Variants in LRRC19 observed in about 807,000 individuals in gnomAD.
LRRC19 encodes the protein leucine rich repeat containing 19.
In LRRC19, 33 loss-of-function variants were observed where a neutral mutation model predicts 33.3. The observed-to-expected ratio is 0.99, with a 90% CI of 0.75 to 1.33. LRRC19 has a LOEUF of 1.33. LRRC19 is among the 40% of genes most tolerant of loss of function. The pLI is 0.00. For missense variants in LRRC19, 463 were observed against 417.3 expected (o/e 1.11, Z -0.95); for synonymous variants, 184 against 152.3 (o/e 1.21, Z -1.53).
chr9:26,996,368 GA>G lies in LRRC19; in HGVS notation c.726del (p.Gln243SerfsTer15). ...TTAAATATTGAATTGCTGATGGGCT[GA>G]AAATGAATATAAAGATCTTCAGTTA... ...SSVTEDLYIH[F>X]QPISNSIFNS... is the part of the protein sequence containing the mutation. On this transcript the variant is annotated frameshift_variant, in exon 4 of 5. Coordinates refer to ENST00000380055, the MANE Select transcript of LRRC19 (RefSeq NM_022901.3). LOFTEE classifies it high-confidence loss of function. 1 of 1,608,270 alleles carries G rather than the reference GA, an allele frequency of 6.2e-7. No individual in the cohort carries two copies. The highest frequency in any genetic ancestry group is 8.5e-7 in the Non-Finnish European group (1 of 1,176,512).
At chr9:27,004,651 G>A (rs574075029) in intron 1 of LRRC19, among the ~76,000 whole-genome samples, 1 of 152,296 alleles carries the variant, frequency 6.6e-6, no homozygotes, top group South Asian at 2.1e-4. Flanking sequence ...GGTTTAAAAG[G>A]AAGTCAGTCA....
chr9:26,999,766 TATTC>T, intron 1 of LRRC19, 63 bp from the exon 2 acceptor site: 4 of 1,090,130 alleles, frequency 3.7e-6, no homozygotes, highest in Non-Finnish European at 3.8e-6. Flanking sequence ...TGAATCTGTT[TATTC>T]TTTTTTTTTT....
intron 1 of LRRC19, among the ~76,000 whole-genome samples, chr9:27,000,090 A>G (rs1038380539): frequency 1.3e-5 from 2 of 152,142 alleles, no homozygotes; most frequent in Non-Finnish European, 1.5e-5. Context: ...TTTCAAATCT[A>G]CTTTTTCTTG....
chr9:26,995,729 C>T lies in LRRC19; in HGVS notation c.905G>A (p.Ser302Asn). 1 of 1,613,844 alleles carries T rather than the reference C, an allele frequency of 6.2e-7. No homozygotes were observed. The highest frequency in any genetic ancestry group is 8.5e-7 in the Non-Finnish European group (1 of 1,179,890). Residue 302 changes from serine (S) to asparagine (N), a missense_variant, in exon 5 of 5, where the codon AGT becomes AAT. Ser to Asn is a conservative substitution (Grantham distance 46, BLOSUM62 1). Coordinates refer to ENST00000380055, the MANE Select transcript of LRRC19 (RefSeq NM_022901.3). Reference sequence around the variant, plus strand: ...CTCTTCCAGGCGATGATGATTATAACTAAGCAGAATATTGTACCATATTGG... The same window carrying T: ...CTCTTCCAGGCGATGATGATTATAATTAAGCAGAATATTGTACCATATTGG... ...KCPIWYNILL[S>N]YNHHRLEEHE...
At chr9:27,005,357 C>G (rs1224478831) in intron 1 of LRRC19, among the ~76,000 whole-genome samples, 1,228 of 47,762 alleles carry the variant, frequency 0.026, 271 homozygotes, top group African/African-American at 0.087. Flanking sequence ...CCATTTCCCC[C>G]CCCGCCCCCC....
chr9:26,995,582 T>A lies in LRRC19; in HGVS notation c.1052A>T (p.Asp351Val), dbSNP rs41271181. Reference sequence around the variant, plus strand: ...TTTGTCTTCAATAAATCCATCATCATCTACCACAAATGAATGTAATTGTTC... The same window carrying A: ...TTTGTCTTCAATAAATCCATCATCAACTACCACAAATGAATGTAATTGTTC... ...IFEQLHSFVV[D>V]DDGFIEDKYI... Residue 351 changes from aspartate to valine, a missense_variant, in exon 5 of 5, where the codon GAT (aspartate) becomes GTT (valine). Physicochemically the swap from Asp to Val is radical, Grantham distance 152. Coordinates refer to ENST00000380055, the MANE Select transcript of LRRC19 (RefSeq NM_022901.3). 1.5e-3 allele frequency: 2,467 copies of A among 1,601,180 alleles called. 5 individuals are homozygous for A. The highest frequency in any genetic ancestry group is 1.5e-3 in the Non-Finnish European group (1,742 of 1,168,548).
At chr9:26,996,584 A>T (rs1828172326) in intron 3 of LRRC19, 85 bp from the exon 4 acceptor site, 1 of 999,384 alleles carries the variant, frequency 1.0e-6, no homozygotes, top group African/African-American at 1.7e-5. Context: ...AGAATTTTTG[A>T]CATATTTGTC....
chr9:27,001,719 A>G (rs1347121764), intron 1 of LRRC19, among the ~76,000 whole-genome samples: 2 of 152,000 alleles, frequency 1.3e-5, no homozygotes, highest in African/African-American at 2.4e-5. Context: ...CTGATTATTA[A>G]CCCCTTTTTA....
At position 26,994,108 on chromosome 9, in the gene LRRC19, A is replaced by G. The variant is rs1363482715; in HGVS notation, c.*1413T>C. Reference sequence around the variant, plus strand: ...TCCAAACTACGTTCTTTGGAATGTTATTGAACTACGAGCTCTTAGTAGATG... The same window carrying G: ...TCCAAACTACGTTCTTTGGAATGTTGTTGAACTACGAGCTCTTAGTAGATG... On this transcript the variant is annotated 3_prime_UTR_variant, in exon 5 of 5. Coordinates refer to ENST00000380055, the MANE Select transcript of LRRC19 (RefSeq NM_022901.3). 6.6e-6 allele frequency: 1 copy of G among 152,200 alleles called. No homozygotes were observed. The highest frequency in any genetic ancestry group is 2.4e-5 in the African/African-American group (1 of 41,450). The allele number at this position is 152,200 out of a possible 1,614,324, so 9.4% of individuals were successfully genotyped here. A position where few individuals can be genotyped will look rare whatever the true frequency, so the allele number is the denominator to read the frequency against.
In LRRC19 at chr9:26,994,593, G is replaced by C. The variant is rs1828049606; in HGVS notation, c.*928C>G. On this transcript the variant is annotated 3_prime_UTR_variant, in exon 5 of 5. Coordinates refer to ENST00000380055, the MANE Select transcript of LRRC19 (RefSeq NM_022901.3). ...TTGTTTCACCTTGTTTAAACTACTA[G>C]TTTTTCCTGTAGTAATTTGACCATG... 6.6e-6 allele frequency: 1 copy of C among 150,494 alleles called. No homozygotes were observed. Among genetic ancestry groups the C allele is most frequent in the Non-Finnish European group, 1.5e-5 (1 of 67,628 alleles). 9.3% of individuals were successfully genotyped at this position (150,494 alleles called of 1,614,324 possible). A position where few individuals can be genotyped will look rare whatever the true frequency, so the allele number is the denominator to read the frequency against.
intron 1 of LRRC19, among the ~76,000 whole-genome samples, chr9:27,003,288 C>T (rs992110022): frequency 3.3e-5 from 5 of 151,754 alleles, no homozygotes; most frequent in South Asian, 2.1e-4. Context: ...TTTGGGAGGC[C>T]GAGGCGGGCA....
chr9:26,995,607 C>G lies in LRRC19; in HGVS notation c.1027G>C (p.Glu343Gln), dbSNP rs1444441593. Residue 343 changes from glutamate to glutamine, a missense_variant, in exon 5 of 5, where the codon GAA becomes CAA. Glu to Gln is a conservative substitution (Grantham distance 29). Coordinates refer to ENST00000380055, the MANE Select transcript of LRRC19 (RefSeq NM_022901.3). ...TCTACCACAAATGAATGTAATTGTT[C>G]AAATATTACTGTAGTTTCTTCAGAG... ...TNSEETTVIF[E>Q]QLHSFVVDDD... is the part of the protein sequence containing the mutation. 2.5e-6 allele frequency: 4 copies of G among 1,609,876 alleles called. No homozygotes were observed. The highest frequency in any genetic ancestry group is 1.6e-4 in the Middle Eastern group (1 of 6,074).
At chr9:27,004,092 C>A (rs1336812886) in intron 1 of LRRC19, among the ~76,000 whole-genome samples, 2 of 151,830 alleles carry the variant, frequency 1.3e-5, no homozygotes, top group East Asian at 1.9e-4. Flanking sequence ...AGAAAATGAA[C>A]TAGATTTAAG....
chr9:27,000,262 G>A (rs1434612259), intron 1 of LRRC19, among the ~76,000 whole-genome samples: 1 of 152,082 alleles, frequency 6.6e-6, no homozygotes, highest in Non-Finnish European at 1.5e-5. Context: ...TAGATCTCAT[G>A]AAAGGAGCTT....
In LRRC19 at chr9:26,998,029, A is replaced by G; in HGVS notation, c.294T>C (p.Ser98=). Residue 98 remains serine, a synonymous_variant, in exon 3 of 5, where the codon AGT becomes AGC. Transcript: ENST00000380055. The part of the protein sequence containing the change: ...LHNNGFGNLS[S]LEILNICRNS... The stretch of plus-strand genomic sequence containing the variant: ...TTCTACAGATATTTAAAATTTCTAG[A>G]CTGGAGAGGTTACCAAAACCGTTAT... The G allele has an allele frequency of 6.2e-7, 1 of 1,613,812 alleles. No homozygotes were observed. Among genetic ancestry groups the G allele is most frequent in the East Asian group, 2.2e-5 (1 of 44,808 alleles).
Position 26,996,349 on chromosome 9 carries a change from A to G in LRRC19, c.746T>C (p.Ile249Thr), listed in dbSNP as rs2131568470. ...TAAGTTGTTCGAAGAGCTATTAAAT[A>G]TTGAATTGCTGATGGGCTGAAAATG... ...YIHFQPISNS[I>T]FNSSSNNLTR... Residue 249 changes from isoleucine (I) to threonine (T), a missense_variant, in exon 4 of 5, where the codon ATA becomes ACA. Ile to Thr is a moderately conservative substitution (Grantham distance 89). Coordinates refer to ENST00000380055, the MANE Select transcript of LRRC19 (RefSeq NM_022901.3). The G allele has an allele frequency of 6.2e-7, 1 of 1,606,480 alleles. No homozygotes were observed. The highest frequency in any genetic ancestry group is 2.2e-5 in the East Asian group (1 of 44,708).
At chr9:27,003,486 G>A (rs1207533280) in intron 1 of LRRC19, among the ~76,000 whole-genome samples, 1 of 151,878 alleles carries the variant, frequency 6.6e-6, no homozygotes, top group East Asian at 1.9e-4. Flanking sequence ...TCATGCCACT[G>A]TGCTCCAGCC....
chr9:26,998,850 CG>C (rs1287918585), intron 2 of LRRC19, among the ~76,000 whole-genome samples: 3 of 151,392 alleles, frequency 2.0e-5, no homozygotes, highest in Non-Finnish European at 2.9e-5. Context: ...AAAAGTCAGC[CG>C]GGCATGGTGG....
chr9:27,002,090 G>A (rs1828529095), intron 1 of LRRC19, among the ~76,000 whole-genome samples: 1 of 152,122 alleles, frequency 6.6e-6, no homozygotes, highest in Admixed American at 6.5e-5. Flanking sequence ...TAGAGAAGGA[G>A]GAAGAAAGAG....
Sources: gnomAD v4.1 joint callset for allele counts (sites outside exome capture counted in the v4.1 genomes callset) on GRCh38, gnomAD v4.1.1 for gene constraint, MANE v1.5 for transcripts, NCBI Gene and HGNC (gene_info 2026-07-23, HGNC 2026-07-21) for gene names.